The following RLIG1 variants were observed in gnomAD, a reference collection of about 807,000 sequenced individuals.
The protein encoded by RLIG1 is RNA ligase 1.
the RLIG1 span, chr12:88,035,822 G>T: frequency 6.5e-7 from 1 of 1,543,604 alleles, no homozygotes; most frequent in Non-Finnish European, 8.7e-7. Context: ...GGCGAGGGCG[G>T]CTGGGCGCTT....
the RLIG1 span, chr12:88,049,424 A>G: frequency 7.8e-7 from 1 of 1,288,950 alleles, no homozygotes; most frequent in Non-Finnish European, 1.1e-6. Context: ...CCTAATGGAA[A>G]CATTATCTTT....
the RLIG1 span, chr12:88,048,675 A>ATAAC: frequency 1.1e-5 from 3 of 270,212 alleles, no homozygotes; most frequent in Admixed American, 5.2e-5. Context: ...TCTCTTCACT[A>ATAAC]TAACTGAGTG....
the RLIG1 span, among the ~76,000 whole-genome samples, chr12:88,038,109 CAA>C: frequency 2.0e-5 from 3 of 151,930 alleles, no homozygotes; most frequent in African/African-American, 7.3e-5. Flanking sequence ...ATGAAAAAAA[CAA>C]AATCAACTTC....
At chr12:88,035,621 T>C in the RLIG1 span, 32 of 1,581,372 alleles carry the variant, frequency 2.0e-5, no homozygotes, top group Non-Finnish European at 2.6e-5. Flanking sequence ...AAGCACGCCC[T>C]CCATTCGCAC....
At chr12:88,035,562 CG>C in the RLIG1 span, 3 of 1,365,456 alleles carry the variant, frequency 2.2e-6, no homozygotes, top group African/African-American at 2.9e-5. Flanking sequence ...CTGAGCCGTG[CG>C]GGTGACTGCT....
At chr12:88,037,889 G>A in the RLIG1 span, among the ~76,000 whole-genome samples, 1 of 152,106 alleles carries the variant, frequency 6.6e-6, no homozygotes, top group Non-Finnish European at 1.5e-5. Context: ...AAAGTTAGTA[G>A]GAACCCAAGA....
chr12:88,042,809 G>T, the RLIG1 span: 1 of 1,461,126 alleles, frequency 6.8e-7, no homozygotes. Context: ...TTTTCCTTTT[G>T]TTATTACTTT....
At chr12:88,043,709 A>G in the RLIG1 span, 1 of 1,603,800 alleles carries the variant, frequency 6.2e-7, no homozygotes, top group Non-Finnish European at 8.5e-7. Flanking sequence ...AAATGGACAC[A>G]TTCCTGGTAT....
the RLIG1 span, chr12:88,049,125 G>T: frequency 2.0e-6 from 2 of 989,108 alleles, no homozygotes; most frequent in Non-Finnish European, 3.0e-6. Context: ...TTATTTCCAA[G>T]TATATTTAAC....
chr12:88,035,569 C>G, the RLIG1 span: 3 of 1,434,176 alleles, frequency 2.1e-6, no homozygotes, highest in Middle Eastern at 1.7e-4. Context: ...GTGCGGGTGA[C>G]TGCTTCAGGG....
At chr12:88,043,869 A>T in the RLIG1 span, 1 of 629,816 alleles carries the variant, frequency 1.6e-6, no homozygotes. Context: ...TCCTACATAC[A>T]TTTTATATCA....
the RLIG1 span, among the ~76,000 whole-genome samples, chr12:88,047,171 G>A: frequency 3.3e-5 from 5 of 152,034 alleles, no homozygotes; most frequent in Admixed American, 2.0e-4. Flanking sequence ...GTGGGGCATC[G>A]ATCATAACAG....
At chr12:88,037,100 C>T in the RLIG1 span, among the ~76,000 whole-genome samples, 1 of 152,162 alleles carries the variant, frequency 6.6e-6, no homozygotes, top group Admixed American at 6.5e-5. Flanking sequence ...TTCCATCGTC[C>T]TTAAAGTGGA....
chr12:88,035,895 TC>T, the RLIG1 span: 3 of 1,504,928 alleles, frequency 2.0e-6, no homozygotes, highest in East Asian at 2.5e-5. Flanking sequence ...GGGTGGGAGT[TC>T]CGTACGCCCT....
the RLIG1 span, among the ~76,000 whole-genome samples, chr12:88,038,459 G>A: frequency 1.1e-3 from 170 of 152,308 alleles, no homozygotes; most frequent in African/African-American, 3.5e-3. Flanking sequence ...TCAGGTAACT[G>A]TGAAGAAAAC....
At chr12:88,035,838 C>G in the RLIG1 span, 4 of 1,537,766 alleles carry the variant, frequency 2.6e-6, no homozygotes, top group African/African-American at 2.8e-5. Flanking sequence ...CGCTTTAGAA[C>G]TGCCCTGCAG....
the RLIG1 span, chr12:88,035,550 G>T: frequency 3.1e-6 from 4 of 1,271,446 alleles, no homozygotes; most frequent in Non-Finnish European, 4.5e-6. Flanking sequence ...AGTGTGCGTG[G>T]CCTGAGCCGT....
chr12:88,048,082 A>C, the RLIG1 span: 1 of 450,784 alleles, frequency 2.2e-6, no homozygotes, highest in African/African-American at 2.0e-5. Context: ...CAAATATGTA[A>C]TATGTCAGGA....
the RLIG1 span, among the ~76,000 whole-genome samples, chr12:88,045,965 A>G: frequency 6.6e-6 from 1 of 152,160 alleles, no homozygotes; most frequent in East Asian, 1.9e-4. Flanking sequence ...TATTAATCCA[A>G]AAGGTTGATT....
Sources: gnomAD v4.1 joint callset for allele counts (sites outside exome capture counted in the v4.1 genomes callset) on GRCh38, gnomAD v4.1.1 for gene constraint, MANE v1.5 for transcripts, NCBI Gene and HGNC (gene_info 2026-07-23, HGNC 2026-07-21) for gene names.